Variants in SPOCK3 observed in about 807,000 individuals in gnomAD.
The protein encoded by SPOCK3 is SPARC (osteonectin), cwcv and kazal like domains proteoglycan 3.
SPOCK3 carries 30 observed loss-of-function variants against 56.6 expected under a neutral mutation model. The ratio of observed to expected loss-of-function variants is 0.53; its 90% CI spans 0.40 to 0.72. The LOEUF (loss-of-function observed/expected upper bound fraction) is 0.72, where lower values mean the gene tolerates loss of function less well. Among genes scored for constraint, SPOCK3 ranks in the 30% least tolerant of loss-of-function variants. The pLI is 0.00. For missense variants in SPOCK3, 527 were observed against 530.0 expected (o/e 0.99, Z 0.06); for synonymous variants, 196 against 183.3 (o/e 1.07, Z -0.56).
chr4:167,086,475 T>C (rs1367836128), intron 2 of SPOCK3, among the ~76,000 whole-genome samples: 1 of 152,074 alleles, frequency 6.6e-6, no homozygotes, highest in Admixed American at 6.6e-5. Context: ...GGATCTGGCT[T>C]TGGAATCAGA....
intron 8 of SPOCK3, among the ~76,000 whole-genome samples, chr4:166,750,729 G>C (rs1736265877): frequency 6.6e-6 from 1 of 152,028 alleles, no homozygotes; most frequent in South Asian, 2.1e-4. Context: ...ATGAAATTTT[G>C]AACTAAAGAA....
chr4:166,901,813 G>A (rs1736081608), intron 5 of SPOCK3, among the ~76,000 whole-genome samples: 1 of 152,144 alleles, frequency 6.6e-6, no homozygotes, highest in Non-Finnish European at 1.5e-5. Context: ...AGACACTGCT[G>A]AGATAAATTT....
chr4:166,841,905 G>A (rs924211785), intron 6 of SPOCK3, among the ~76,000 whole-genome samples: 1 of 152,212 alleles, frequency 6.6e-6, no homozygotes, highest in African/African-American at 2.4e-5. Flanking sequence ...GAGTGTTACA[G>A]TTTTTAAAGA....
intron 6 of SPOCK3, among the ~76,000 whole-genome samples, chr4:166,843,280 C>T (rs76580768): frequency 0.071 from 10,815 of 152,330 alleles, 513 homozygotes; most frequent in Non-Finnish European, 0.1. Flanking sequence ...TTGGCCAGAG[C>T]GGACGCCGAG....
At chr4:166,949,069 C>T (rs1235781785) in intron 4 of SPOCK3, among the ~76,000 whole-genome samples, 2 of 151,952 alleles carry the variant, frequency 1.3e-5, no homozygotes, top group African/African-American at 2.4e-5. Flanking sequence ...TCTAAACTTC[C>T]CTTCTCACTT....
intron 6 of SPOCK3, among the ~76,000 whole-genome samples, chr4:166,846,405 T>G (rs1371451006): frequency 5.9e-5 from 9 of 152,116 alleles, no homozygotes; most frequent in Non-Finnish European, 1.2e-4. Flanking sequence ...TATTGTAGAT[T>G]AATAGATTAT....
At chr4:166,984,101 A>C (rs779498656) in intron 4 of SPOCK3, among the ~76,000 whole-genome samples, 1 of 152,098 alleles carries the variant, frequency 6.6e-6, no homozygotes, top group African/African-American at 2.4e-5. Flanking sequence ...TAAAAAGAAT[A>C]ATACAAATTG....
rs868056130 is a variant in SPOCK3, at chr4:167,205,465, G to T, written c.189+28520C>A. On this transcript the variant is annotated intron_variant, in intron 2 of 10. Coordinates refer to ENST00000357545, the MANE Select transcript of SPOCK3 (RefSeq NM_001040159.2). ...ATAATATATATTATATAAATATATAGAATTTATTTTATATATAATATATAA... is the reference window on the plus strand; with the variant it reads ...ATAATATATATTATATAAATATATATAATTTATTTTATATATAATATATAA... Among the ~76,000 whole-genome samples the T allele has an allele frequency of 1.4e-3, 52 of 37,420 alleles. 1 individual carries two copies. The South Asian group carries it at 0.017, about 13-fold the overall frequency. 24.5% of individuals were successfully genotyped at this position (37,420 alleles called of 152,430 possible).
intron 2 of SPOCK3, among the ~76,000 whole-genome samples, chr4:167,222,631 G>C (rs1417534122): frequency 7.4e-6 from 1 of 134,930 alleles, no homozygotes; most frequent in Non-Finnish European, 1.5e-5. Context: ...TATAAACATA[G>C]ATATATATTA....
intron 2 of SPOCK3, among the ~76,000 whole-genome samples, chr4:167,141,352 A>G (rs757893907): frequency 1.1e-4 from 16 of 152,054 alleles, no homozygotes; most frequent in Non-Finnish European, 2.2e-4. Context: ...AAATAGAGCA[A>G]CTGTTCCACA....
intron 2 of SPOCK3, among the ~76,000 whole-genome samples, chr4:167,104,845 A>G (rs1238288025): frequency 6.4e-5 from 9 of 140,946 alleles, no homozygotes; most frequent in Admixed American, 2.1e-4. Context: ...AAGCAAAAAG[A>G]AAAAAAAAAA....
At chr4:167,094,903 G>A (rs1337714258) in intron 2 of SPOCK3, among the ~76,000 whole-genome samples, 1 of 152,042 alleles carries the variant, frequency 6.6e-6, no homozygotes, top group Non-Finnish European at 1.5e-5. Context: ...ATGGACCTTA[G>A]AAGTTCAGAC....
At chr4:166,792,410 A>G in intron 6 of SPOCK3, 121 bp from the exon 7 acceptor site, 1 of 1,028,790 alleles carries the variant, frequency 9.7e-7, no homozygotes, top group Non-Finnish European at 1.4e-6. Context: ...GTGTGACTGC[A>G]TTTCAGCTTT....
At chr4:167,209,141 G>C (rs1734625203) in intron 2 of SPOCK3, among the ~76,000 whole-genome samples, 1 of 152,022 alleles carries the variant, frequency 6.6e-6, no homozygotes, top group Non-Finnish European at 1.5e-5. Context: ...CCAAGAGAAA[G>C]GTAAAATGGC....
intron 2 of SPOCK3, among the ~76,000 whole-genome samples, chr4:167,134,991 C>T (rs1191410689): frequency 6.6e-6 from 1 of 151,672 alleles, no homozygotes; most frequent in Non-Finnish European, 1.5e-5. Flanking sequence ...AGATTGATCC[C>T]AACACTGATC....
chr4:166,791,601 A>G (rs1230706357), intron 7 of SPOCK3, among the ~76,000 whole-genome samples: 1 of 152,152 alleles, frequency 6.6e-6, no homozygotes. Flanking sequence ...CCCTATTTCA[A>G]TTTGTATTTC....
At chr4:166,764,019 A>T (rs955200383) in intron 7 of SPOCK3, among the ~76,000 whole-genome samples, 1 of 152,050 alleles carries the variant, frequency 6.6e-6, no homozygotes, top group Admixed American at 6.6e-5. Flanking sequence ...ATTTGAAGTT[A>T]TAGTATTGGG....
intron 4 of SPOCK3, among the ~76,000 whole-genome samples, chr4:166,970,324 G>A (rs926565301): frequency 6.6e-6 from 1 of 152,116 alleles, no homozygotes; most frequent in African/African-American, 2.4e-5. Flanking sequence ...ACTTTATTAT[G>A]GAATGGCTAC....
At chr4:166,878,072 TC>T (rs1205986646) in intron 6 of SPOCK3, among the ~76,000 whole-genome samples, 8 of 151,234 alleles carry the variant, frequency 5.3e-5, no homozygotes, top group Admixed American at 4.6e-4. Context: ...AGGTCAGGAG[TC>T]GAGACCAGCC....
Sources: allele counts gnomAD v4.1 joint callset (sites outside exome capture counted in the v4.1 genomes callset), GRCh38; gene constraint gnomAD v4.1.1; transcripts MANE v1.5; gene names NCBI Gene and HGNC (gene_info 2026-07-23, HGNC 2026-07-21).